The following MED13L variants were observed in gnomAD, a reference collection of about 807,000 sequenced individuals.
The protein encoded by MED13L is mediator of RNA polymerase II transcription subunit 13-like.
MED13L carries 7 observed loss-of-function variants against 220.9 expected under a neutral mutation model. The ratio of observed to expected loss-of-function variants is 0.03; its 90% CI spans 0.02 to 0.06. MED13L has a LOEUF of 0.06. MED13L is among the 10% of genes least tolerant of loss of function. The probability of loss-of-function intolerance (pLI) is 1.00; values close to 1 mark genes in which losing one functional copy is unlikely to be tolerated. For synonymous variants in MED13L, 1,011 were observed against 1,015.2 expected (o/e 1.00, Z 0.08); for missense variants, 1,965 against 2,760.5 (o/e 0.71, Z 6.46).
chr12:116,030,218 T>C (rs1424578885), intron 4 of MED13L, among the ~76,000 whole-genome samples: 1 of 152,098 alleles, frequency 6.6e-6, no homozygotes, highest in African/African-American at 2.4e-5. Flanking sequence ...CCACCCACCT[T>C]TGCCTCCCAA....
chr12:116,276,644 C>A, intron 1 of MED13L: 1 of 1,197,082 alleles, frequency 8.4e-7, no homozygotes, highest in South Asian at 1.5e-5. Flanking sequence ...GGCAGCTGAT[C>A]CAACAACGGG....
At chr12:116,229,070 C>G (rs1207777668) in intron 2 of MED13L, among the ~76,000 whole-genome samples, 1 of 152,094 alleles carries the variant, frequency 6.6e-6, no homozygotes, top group East Asian at 1.9e-4. Flanking sequence ...AGCCATCACA[C>G]CAGGCCACAA....
At chr12:116,045,351 C>T (rs968919379) in intron 4 of MED13L, among the ~76,000 whole-genome samples, 3 of 152,164 alleles carry the variant, frequency 2.0e-5, no homozygotes, top group African/African-American at 7.2e-5. Context: ...AGCACATCCA[C>T]AAACTGCCCT....
intron 2 of MED13L, among the ~76,000 whole-genome samples, chr12:116,182,674 T>C (rs545017531): frequency 3.3e-5 from 5 of 152,300 alleles, no homozygotes; most frequent in African/African-American, 9.6e-5. Flanking sequence ...ACTGTATCAA[T>C]ACCAACACAA....
chr12:116,195,674 C>T (rs1399504219), intron 2 of MED13L, among the ~76,000 whole-genome samples: 2 of 151,994 alleles, frequency 1.3e-5, no homozygotes, highest in Admixed American at 1.3e-4. Flanking sequence ...TGGTCTTGAA[C>T]TCCTGACCTC....
chr12:116,142,397 G>C (rs996537652), intron 2 of MED13L, among the ~76,000 whole-genome samples: 1 of 152,066 alleles, frequency 6.6e-6, no homozygotes, highest in Admixed American at 6.6e-5. Context: ...CAAGACAAAA[G>C]ACATTAAAAG....
intron 16 of MED13L, among the ~76,000 whole-genome samples, chr12:115,994,255 C>T (rs899712868): frequency 6.6e-6 from 1 of 152,004 alleles, no homozygotes; most frequent in East Asian, 1.9e-4. Context: ...GGACCAGTGT[C>T]GGCAACACAG....
intron 4 of MED13L, among the ~76,000 whole-genome samples, chr12:116,055,013 A>C (rs1868832589): frequency 6.6e-6 from 1 of 152,270 alleles, no homozygotes; most frequent in South Asian, 2.1e-4. Context: ...CTGCAACTAT[A>C]CATAAGACAA....
At chr12:116,129,981 T>C (rs1041874744) in intron 2 of MED13L, among the ~76,000 whole-genome samples, 6 of 150,244 alleles carry the variant, frequency 4.0e-5, no homozygotes, top group South Asian at 2.1e-4. Context: ...ACCTCAAGAG[T>C]AGTCACCAAA....
chr12:116,268,936 AT>A (rs1177389037), intron 1 of MED13L, among the ~76,000 whole-genome samples: 27 of 152,126 alleles, frequency 1.8e-4, no homozygotes, highest in Admixed American at 5.2e-4. Context: ...TCTCCTATCA[AT>A]TTTTTTTCCC....
chr12:116,237,475 T>G lies in MED13L; in HGVS notation c.303A>C (p.Glu101Asp). The G allele has an allele frequency of 3.7e-6, 6 of 1,607,532 alleles. No individual in the cohort carries two copies. Among genetic ancestry groups the G allele is most frequent in the Non-Finnish European group, 5.1e-6 (6 of 1,173,956 alleles). The change falls in exon 2 of 31, where the codon GAA becomes GAC. Residue 101 changes from glutamate (E) to aspartate (D), a missense_variant. This residue lies in a region of MED13L where 818 missense variants were observed against 1,041.2 expected (regional missense o/e 0.79). Transcript: ENST00000281928. ...EPNLVGVIHH[E>D]LQVVEEGLWE... ...AAAAAACAGAAACCTTACCCTGCAG[T>G]TCATGATGTATTACACCCACTAGGT...
At chr12:116,030,148 C>T (rs528030827) in intron 4 of MED13L, among the ~76,000 whole-genome samples, 6 of 152,038 alleles carry the variant, frequency 3.9e-5, no homozygotes, top group South Asian at 2.1e-4. Context: ...TTGTATTTTT[C>T]GTAGAGACGG....
chr12:116,004,224 C>T (rs945389941), intron 13 of MED13L, among the ~76,000 whole-genome samples: 10 of 152,086 alleles, frequency 6.6e-5, no homozygotes, highest in Admixed American at 5.9e-4. Flanking sequence ...ATTGGATTCC[C>T]ATCACCATTG....
chr12:116,132,689 G>A (rs1423703392), intron 2 of MED13L, among the ~76,000 whole-genome samples: 1 of 152,102 alleles, frequency 6.6e-6, no homozygotes, highest in Admixed American at 6.6e-5. Context: ...GGGAGGCCGA[G>A]GTGGGTGGAT....
At chr12:116,014,197 G>C (rs527807625) in intron 8 of MED13L, among the ~76,000 whole-genome samples, 1 of 152,176 alleles carries the variant, frequency 6.6e-6, no homozygotes, top group Admixed American at 6.5e-5. Flanking sequence ...CTAAAAGCTG[G>C]GTCCAAAGGA....
chr12:115,996,794 C>A, intron 15 of MED13L, 113 bp from the exon 16 acceptor site: 1 of 1,097,584 alleles, frequency 9.1e-7, no homozygotes, highest in East Asian at 2.5e-5. Flanking sequence ...TTCAGTATTT[C>A]TCTCCTATGA....
chr12:116,134,037 C>G (rs1273506342), intron 2 of MED13L, among the ~76,000 whole-genome samples: 2 of 152,208 alleles, frequency 1.3e-5, no homozygotes, highest in Non-Finnish European at 2.9e-5. Context: ...GCAAAAACTA[C>G]TGGTCCCTAT....
intron 1 of MED13L, among the ~76,000 whole-genome samples, chr12:116,274,104 T>G (rs1294196757): frequency 1.3e-5 from 2 of 152,256 alleles, no homozygotes; most frequent in African/African-American, 2.4e-5. Flanking sequence ...AATAAGAAAC[T>G]TATACAATGA....
intron 2 of MED13L, among the ~76,000 whole-genome samples, chr12:116,196,817 C>T (rs1365017964): frequency 6.6e-6 from 1 of 152,108 alleles, no homozygotes; most frequent in Non-Finnish European, 1.5e-5. Context: ...AGACATACAG[C>T]TGGTTAAAGT....
Sources: gnomAD v4.1 joint callset for allele counts (sites outside exome capture counted in the v4.1 genomes callset) on GRCh38, gnomAD v4.1.1 for gene constraint, gnomAD v4.1.1 regional missense constraint, MANE v1.5 for transcripts, NCBI Gene and HGNC (gene_info 2026-07-23, HGNC 2026-07-21) for gene names.